ZNF329: variants seen among roughly 807,000 people sequenced by gnomAD.
ZNF329 encodes zinc finger protein 329.
A neutral mutation model predicts 26.6 loss-of-function variants in ZNF329; 15 were observed. The observed-to-expected ratio is 0.56, with a 90% CI of 0.38 to 0.87. The LOEUF is 0.87. ZNF329 is among the 40% of genes least tolerant of loss of function. The pLI, the probability that ZNF329 is intolerant of heterozygous loss-of-function variation, is 0.00. For synonymous variants in ZNF329, 239 were observed against 233.5 expected, an observed-to-expected ratio of 1.02 and a Z score of -0.21; for missense variants, 651 against 651.9, an observed-to-expected ratio of 1.00 and a Z score of 0.02.
intron 3 of ZNF329, among the ~76,000 whole-genome samples, chr19:58,136,280 G>A (rs2075064855): frequency 6.6e-6 from 1 of 151,690 alleles, no homozygotes; most frequent in African/African-American, 2.4e-5. Context: ...ACTACACAAT[G>A]ATGAAAACAG....
chr19:58,150,432 G>T (rs1055530147), intron 1 of ZNF329, among the ~76,000 whole-genome samples: 1 of 152,224 alleles, frequency 6.6e-6, no homozygotes, highest in Admixed American at 6.5e-5. Context: ...AGTCTCTATG[G>T]GAGGGCGGGC....
intron 3 of ZNF329, among the ~76,000 whole-genome samples, chr19:58,135,862 CTATT>C (rs941586289): frequency 3.3e-5 from 5 of 152,154 alleles, no homozygotes; most frequent in Non-Finnish European, 5.9e-5. Flanking sequence ...AAGCAAACTC[CTATT>C]TATTTGGAAA....
intron 3 of ZNF329, 28 bp from the exon 4 acceptor site, chr19:58,129,539 A>T: frequency 6.5e-7 from 1 of 1,531,842 alleles, no homozygotes; most frequent in Non-Finnish European, 8.8e-7. Flanking sequence ...ATGCAGACTT[A>T]GGTATATGAA....
intron 1 of ZNF329, among the ~76,000 whole-genome samples, chr19:58,145,149 A>ATT (rs539694863): frequency 1.5e-5 from 2 of 137,810 alleles, no homozygotes; most frequent in Non-Finnish European, 3.1e-5. Context: ...GCGCCTGGCC[A>ATT]TTTTTTTTTT....
chr19:58,153,871 GC>G (rs577674514), upstream of ZNF329, among the ~76,000 whole-genome samples: 102 of 152,092 alleles, frequency 6.7e-4, no homozygotes, highest in African/African-American at 2.3e-3. Flanking sequence ...ACCATGCCTG[GC>G]TAATTTTTTT....
intron 2 of ZNF329, among the ~76,000 whole-genome samples, 166 bp downstream of exon 2, chr19:58,142,939 A>G (rs1379805445): frequency 6.6e-6 from 1 of 152,202 alleles, no homozygotes. Flanking sequence ...CCCCAACCCC[A>G]TTACCTAATC....
rs34255209 is a variant in ZNF329, at chr19:58,128,960, T to C, written c.544A>G (p.Asn182Asp). 3.7e-3 allele frequency: 6,003 copies of C among 1,613,460 alleles called. 162 individuals are homozygous for C. The African/African-American group carries it at 0.064, about 17-fold the overall frequency. The change falls in exon 4 of 4, where the codon AAC (asparagine) becomes GAC (aspartate). Residue 182 changes from asparagine (N) to aspartate (D), a missense_variant. Asn to Asp is a conservative substitution (Grantham distance 23). Coordinates refer to ENST00000598312, the MANE Select transcript of ZNF329 (RefSeq NM_024620.4). ...AGCGATGAGCTCAGAGTAAAGATGT[T>C]CTCAAAATTCTTACCTTCATACGAT... ...KKSYEGKNFENIFTLSSSLNE... is the reference protein window; with the variant it reads ...KKSYEGKNFEDIFTLSSSLNE...
chr19:58,145,314 C>CTTTTTT (rs71188087), intron 1 of ZNF329, among the ~76,000 whole-genome samples: 5 of 106,168 alleles, frequency 4.7e-5, no homozygotes, highest in African/African-American at 1.3e-4. Flanking sequence ...TTTTTTCTTC[C>CTTTTTT]TTTTTTTTTT....
In ZNF329 at chr19:58,136,993, C is replaced by T. The variant is rs563569881; in HGVS notation, c.-9+5564G>A. On this transcript the variant is annotated intron_variant, in intron 3 of 3. Coordinates refer to ENST00000598312, the MANE Select transcript of ZNF329 (RefSeq NM_024620.4). Reference sequence around the variant, plus strand: ...GCCATAAACTCAAAGTGATATGTACCTTATTCCACCACTAGAAAGAAGATT... The same window carrying T: ...GCCATAAACTCAAAGTGATATGTACTTTATTCCACCACTAGAAAGAAGATT... 5.6e-3 allele frequency: 1,111 copies of T among 197,328 alleles called. 8 individuals carry two copies. The highest frequency in any genetic ancestry group is 0.024 in the African/African-American group (1,006 of 42,620). The allele number at this position is 197,328 out of a possible 1,614,324, so 12.2% of individuals were successfully genotyped here.
intron 1 of ZNF329, among the ~76,000 whole-genome samples, chr19:58,146,043 G>A (rs2075302486): frequency 6.6e-6 from 1 of 150,724 alleles, no homozygotes; most frequent in South Asian, 2.1e-4. Context: ...CAAGGTTGAG[G>A]AAGACTAAAA....
At position 58,128,863 on chromosome 19, in the gene ZNF329, C is replaced by T. The variant is rs758418551; in HGVS notation, c.641G>A (p.Arg214Gln). The stretch of plus-strand genomic sequence containing the variant: ...GTGATGCAAAACAAGAGAAGAGTTC[C>T]GTTTGAAGCATTTGCCACATTCAGT... Reference protein sequence around the residue: ...RCTECGKCFKRNSSLVLHHRT... With the variant: ...RCTECGKCFKQNSSLVLHHRT... Residue 214 changes from arginine to glutamine, a missense_variant, in exon 4 of 4, where the codon CGG becomes CAG. Transcript: ENST00000598312. 10 of 1,612,758 alleles carry T rather than the reference C, an allele frequency of 6.2e-6. No individual in the cohort carries two copies. The Admixed American group carries it at 1.0e-4, about 16-fold the overall frequency.
chr19:58,136,401 T>C lies in ZNF329; in HGVS notation c.-9+6156A>G, dbSNP rs2910421. Reference sequence around the variant, plus strand: ...TTTAAAAAGAAGGCTAGGTCAGGCATGGTGGCTCACACCTGTAATCCCAGA... The same window carrying C: ...TTTAAAAAGAAGGCTAGGTCAGGCACGGTGGCTCACACCTGTAATCCCAGA... On this transcript the variant is annotated intron_variant, in intron 3 of 3. Transcript: ENST00000598312. Among the ~76,000 whole-genome samples, 112 of 152,120 alleles carry C rather than the reference T, an allele frequency of 7.4e-4. No individual in the cohort carries two copies. In the South Asian group the frequency reaches 0.014, roughly 19 times the overall value.
rs546751472 is a variant in ZNF329, at chr19:58,127,071, C to A, written c.*807G>T. The A allele has an allele frequency of 6.6e-6, 1 of 152,324 alleles. No homozygotes were observed. The highest frequency in any genetic ancestry group is 6.5e-5 in the Admixed American group (1 of 15,300). The allele number at this position is 152,324 out of a possible 1,614,324, so 9.4% of individuals were successfully genotyped here. A position where few individuals can be genotyped will look rare whatever the true frequency, so the allele number is the denominator to read the frequency against. ...ATTGCAGGAGTATAATGCAGACATA[C>A]ATTCAAACAGGAAAATCTCACACAT... On this transcript the variant is annotated 3_prime_UTR_variant, in exon 4 of 4. Coordinates refer to ENST00000598312, the MANE Select transcript of ZNF329 (RefSeq NM_024620.4).
At chr19:58,141,534 A>T (rs1204365698) in intron 3 of ZNF329, among the ~76,000 whole-genome samples, 1 of 152,014 alleles carries the variant, frequency 6.6e-6, no homozygotes, top group Non-Finnish European at 1.5e-5. Context: ...ACCTAAGGTG[A>T]TCAGCCTGCC....
chr19:58,151,036 A>G (rs1303548767), upstream of ZNF329, among the ~76,000 whole-genome samples: 12 of 152,220 alleles, frequency 7.9e-5, no homozygotes, highest in Non-Finnish European at 1.6e-4. Context: ...TTCTTTATCT[A>G]TAATCTTTTT....
At chr19:58,129,592 G>A (rs2074892463) in intron 3 of ZNF329, 81 bp from the exon 4 acceptor site, 1 of 1,195,314 alleles carries the variant, frequency 8.4e-7, no homozygotes, top group African/African-American at 1.5e-5. Context: ...TGGGCTAGGT[G>A]TAAAGATGTG....
chr19:58,154,299 G>A (rs957522943), upstream of ZNF329, among the ~76,000 whole-genome samples: 1 of 152,246 alleles, frequency 6.6e-6, no homozygotes, highest in Non-Finnish European at 1.5e-5. Flanking sequence ...GTCAGCCACA[G>A]CTGTAACTTA....
At chr19:58,140,293 T>C (rs2075155342) in intron 3 of ZNF329, among the ~76,000 whole-genome samples, 1 of 152,198 alleles carries the variant, frequency 6.6e-6, no homozygotes, top group South Asian at 2.1e-4. Context: ...TATATGGATA[T>C]TTAATATTAC....
chr19:58,128,982 C>T lies in ZNF329; in HGVS notation c.522G>A (p.Ser174=), dbSNP rs754751885. 1.2e-5 allele frequency: 20 copies of T among 1,612,874 alleles called. No individual in the cohort carries two copies. The highest frequency in any genetic ancestry group is 8.4e-5 in the Admixed American group (5 of 59,800). ...HQKIMKRGKK[S]YEGKNFENIF... is the part of the protein sequence containing the mutation. The stretch of plus-strand genomic sequence containing the variant: ...TGTTCTCAAAATTCTTACCTTCATA[C>T]GATTTCTTGCCTCTTTTCATTATTT... Residue 174 remains serine, a synonymous_variant, in exon 4 of 4, where the codon TCG becomes TCA. Coordinates refer to ENST00000598312, the MANE Select transcript of ZNF329 (RefSeq NM_024620.4).
Sources: gnomAD v4.1 joint callset for allele counts (sites outside exome capture counted in the v4.1 genomes callset) on GRCh38, gnomAD v4.1.1 for gene constraint, MANE v1.5 for transcripts, NCBI Gene and HGNC (gene_info 2026-07-23, HGNC 2026-07-21) for gene names.